The following MRTFA variants were observed in gnomAD, a reference collection of about 807,000 sequenced individuals.
MRTFA encodes the protein myocardin related transcription factor A.
MRTFA carries 20 observed loss-of-function variants against 83.5 expected under a neutral mutation model. The ratio of observed to expected loss-of-function variants is 0.24; its 90% CI spans 0.17 to 0.35. MRTFA has a LOEUF of 0.35. Ranked by LOEUF, MRTFA falls within the 10% of genes least tolerant of loss-of-function variation. The pLI is 1.00. For missense variants in MRTFA, 1,200 were observed against 1,224.7 expected (o/e 0.98, Z 0.30); for synonymous variants, 659 against 541.2 (o/e 1.22, Z -3.02).
intron 3 of MRTFA, among the ~76,000 whole-genome samples, chr22:40,550,723 G>A (rs1162305489): frequency 6.6e-6 from 1 of 151,990 alleles, no homozygotes; most frequent in Non-Finnish European, 1.5e-5. Flanking sequence ...GACATATTTG[G>A]CAATGAAATA....
intron 3 of MRTFA, among the ~76,000 whole-genome samples, chr22:40,507,019 C>G (rs1353913841): frequency 6.6e-6 from 1 of 152,154 alleles, no homozygotes; most frequent in Non-Finnish European, 1.5e-5. Flanking sequence ...CCAATGGCAC[C>G]TTGTTAAAAG....
At chr22:40,429,940 A>T (rs1471798777) in intron 6 of MRTFA, among the ~76,000 whole-genome samples, 173 bp from the exon 7 acceptor site, 1 of 152,096 alleles carries the variant, frequency 6.6e-6, no homozygotes, top group Non-Finnish European at 1.5e-5. Flanking sequence ...AAGACAAGAG[A>T]AGGGGTTCCC....
At chr22:40,565,087 A>T (rs2055683555) in intron 2 of MRTFA, among the ~76,000 whole-genome samples, 1 of 152,206 alleles carries the variant, frequency 6.6e-6, no homozygotes, top group Non-Finnish European at 1.5e-5. Flanking sequence ...GAAAACAGAA[A>T]AAAAGTAAAA....
intron 1 of MRTFA, among the ~76,000 whole-genome samples, chr22:40,618,960 CAAAAAT>C (rs933982258): frequency 9.3e-5 from 14 of 150,432 alleles, no homozygotes; most frequent in African/African-American, 1.2e-4. Flanking sequence ...GACTCCTTCT[CAAAAAT>C]AAAAATAAAA....
At chr22:40,572,684 G>C (rs1410329712) in intron 2 of MRTFA, among the ~76,000 whole-genome samples, 1 of 152,166 alleles carries the variant, frequency 6.6e-6, no homozygotes, top group Non-Finnish European at 1.5e-5. Context: ...CACATTGCTA[G>C]GGAAACCTCA....
intron 3 of MRTFA, among the ~76,000 whole-genome samples, chr22:40,541,133 GGAAT>G: frequency 6.6e-6 from 1 of 151,998 alleles, no homozygotes; most frequent in East Asian, 1.9e-4. Context: ...GAAATTATAG[GGAAT>G]GAATAAGAGA....
rs529675117 is a variant in MRTFA, at chr22:40,553,792, G to C, written c.-21-1425C>G. ...GCCACCATCCTCCAGACCCCAGAATGGTAGATCCACCTATAGCTTGCACCA... is the reference window on the plus strand; with the variant it reads ...GCCACCATCCTCCAGACCCCAGAATCGTAGATCCACCTATAGCTTGCACCA... On this transcript the variant is annotated intron_variant, in intron 2 of 14. Transcript: ENST00000355630. Among the ~76,000 whole-genome samples, 5 of 152,248 alleles carry C rather than the reference G, an allele frequency of 3.3e-5. No homozygotes were observed. In the East Asian group the frequency reaches 9.6e-4, roughly 29 times the overall value.
intron 4 of MRTFA, among the ~76,000 whole-genome samples, chr22:40,459,822 CATATATACATATATATATATATATAT>C (rs2053671498): frequency 1.5e-5 from 1 of 68,258 alleles, no homozygotes; most frequent in African/African-American, 6.4e-5. Context: ...CACACACACA[CATATATACATATATATATATATATAT>C]ATATATATAT....
chr22:40,557,141 T>A (rs975333913), intron 2 of MRTFA, among the ~76,000 whole-genome samples: 3 of 152,144 alleles, frequency 2.0e-5, no homozygotes, highest in African/African-American at 7.2e-5. Flanking sequence ...AGTTGTTAAC[T>A]GAACAAAGAG....
chr22:40,581,258 A>C (rs945653073), intron 2 of MRTFA, among the ~76,000 whole-genome samples: 1 of 152,076 alleles, frequency 6.6e-6, no homozygotes, highest in Non-Finnish European at 1.5e-5. Context: ...GTAGCTTCCA[A>C]ATTTTTTCCT....
chr22:40,449,683 T>C (rs2053451561), intron 4 of MRTFA, among the ~76,000 whole-genome samples: 1 of 152,214 alleles, frequency 6.6e-6, no homozygotes, highest in Non-Finnish European at 1.5e-5. Context: ...AAACTACACT[T>C]AGTAAAGAAG....
At chr22:40,535,348 C>T (rs73169012) in intron 3 of MRTFA, among the ~76,000 whole-genome samples, 298 of 106,998 alleles carry the variant, frequency 2.8e-3, no homozygotes, top group East Asian at 3.9e-3. Flanking sequence ...GAGGTTTTTT[C>T]TTTTTTTTTT....
Position 40,509,900 on chromosome 22 carries a change from A to T in MRTFA, c.241+42206T>A, listed in dbSNP as rs184418192. On this transcript the variant is annotated intron_variant, in intron 3 of 14. Coordinates refer to ENST00000355630, the MANE Select transcript of MRTFA (RefSeq NM_020831.6). ...ATTTCTCAATGACGCAGGCTCCCTCAGAGGGAGGAACAAGAAAAAAAAAAA... is the reference window on the plus strand; with the variant it reads ...ATTTCTCAATGACGCAGGCTCCCTCTGAGGGAGGAACAAGAAAAAAAAAAA... 8.7e-4 allele frequency among the ~76,000 whole-genome samples: 131 copies of T among 150,222 alleles called. 1 individual carries two copies. The Middle Eastern group carries it at 0.02, about 23-fold the overall frequency.
chr22:40,411,562 G>T lies in MRTFA; in HGVS notation c.2924C>A (p.Thr975Asn). 2 of 1,613,820 alleles carry T rather than the reference G, an allele frequency of 1.2e-6. No individual in the cohort carries two copies. The highest frequency in any genetic ancestry group is 1.7e-6 in the Non-Finnish European group (2 of 1,179,960). The change falls in exon 15 of 15, where the codon ACC (threonine) becomes AAC (asparagine). Residue 975 changes from threonine (T) to asparagine (N), a missense_variant. Thr to Asn is a moderately conservative substitution (Grantham distance 65, BLOSUM62 0). Around this residue, in one of 2 missense-constraint regions of MRTFA, gnomAD observed 1,107 missense variants for 1,041.8 expected, o/e 1.06. Coordinates refer to ENST00000355630, the MANE Select transcript of MRTFA (RefSeq NM_020831.6). ...GCCATCAGCCAGGTCCAGGCCCATG[G>T]TGCTGCTGGGCTCAGGAACAAAGTG... is the stretch of plus-strand genomic sequence containing the variant.
chr22:40,575,024 C>T (rs569708619), intron 2 of MRTFA, among the ~76,000 whole-genome samples: 2 of 152,326 alleles, frequency 1.3e-5, no homozygotes, highest in Admixed American at 1.3e-4. Context: ...TTTATATTTA[C>T]ACACGAGGCA....
At chr22:40,587,060 CAGG>C (rs1040411994) in intron 2 of MRTFA, 5 of 467,402 alleles carry the variant, frequency 1.1e-5, no homozygotes, top group African/African-American at 8.0e-5. Context: ...TCAGGTTTTC[CAGG>C]AGGTTTGTCC....
chr22:40,531,325 G>C (rs888121972), intron 3 of MRTFA, among the ~76,000 whole-genome samples: 19 of 143,662 alleles, frequency 1.3e-4, no homozygotes, highest in African/African-American at 4.9e-4. Context: ...TTGGGCTTAA[G>C]CGATCCTCCT....
intron 3 of MRTFA, among the ~76,000 whole-genome samples, chr22:40,534,359 C>T (rs2055131159): frequency 6.6e-6 from 1 of 152,224 alleles, no homozygotes; most frequent in Admixed American, 6.5e-5. Context: ...ATCTGTCTTT[C>T]AGATCTGTCA....
intron 4 of MRTFA, among the ~76,000 whole-genome samples, chr22:40,445,353 A>C (rs958783678): frequency 2.6e-5 from 4 of 152,192 alleles, no homozygotes; most frequent in African/African-American, 9.7e-5. Flanking sequence ...TTTTACCCCT[A>C]AATTCTTCAG....
Sources: gnomAD v4.1 joint callset for allele counts (sites outside exome capture counted in the v4.1 genomes callset) on GRCh38, gnomAD v4.1.1 for gene constraint, gnomAD v4.1.1 regional missense constraint, MANE v1.5 for transcripts, NCBI Gene and HGNC (gene_info 2026-07-23, HGNC 2026-07-21) for gene names.